The following ARID4A variants were observed in gnomAD, a reference collection of about 807,000 sequenced individuals.
The protein encoded by ARID4A is AT-rich interaction domain 4A, also known as AT-rich interactive domain-containing protein 4A.
ARID4A carries 39 observed loss-of-function variants against 148.6 expected under a neutral mutation model. The ratio of observed to expected loss-of-function variants is 0.26; its 90% CI spans 0.20 to 0.34. The LOEUF (loss-of-function observed/expected upper bound fraction) is 0.34, where lower values mean the gene tolerates loss of function less well. Among genes scored for constraint, ARID4A ranks in the 10% least tolerant of loss-of-function variants. The pLI is 1.00. For synonymous variants in ARID4A, 475 were observed against 481.2 expected, an observed-to-expected ratio of 0.99 and a Z score of 0.17; for missense variants, 1,265 against 1,449.1, an observed-to-expected ratio of 0.87 and a Z score of 2.06.
chr14:58,339,057 C>A (rs567829667), intron 11 of ARID4A, among the ~76,000 whole-genome samples: 2 of 151,076 alleles, frequency 1.3e-5, no homozygotes, highest in South Asian at 4.2e-4. Context: ...CTCAACTTTC[C>A]AGGCTCAAGC....
intron 20 of ARID4A, 91 bp downstream of exon 20, chr14:58,365,391 T>A (rs1345071788): frequency 6.9e-7 from 1 of 1,452,706 alleles, no homozygotes; most frequent in South Asian, 1.4e-5. Flanking sequence ...TAAAGTACTT[T>A]CTTTTTCTTT....
At chr14:58,316,769 A>C (rs60805976) in intron 5 of ARID4A, among the ~76,000 whole-genome samples, 1 of 152,060 alleles carries the variant, frequency 6.6e-6, no homozygotes. Flanking sequence ...TAGTGGAGAC[A>C]GGGTTTCTCC....
chr14:58,343,021 G>A (rs758430482), intron 11 of ARID4A, among the ~76,000 whole-genome samples: 1 of 152,158 alleles, frequency 6.6e-6, no homozygotes, highest in Non-Finnish European at 1.5e-5. Context: ...TTTTGGTTTT[G>A]ATTTTTTTTC....
At chr14:58,347,594 C>T in intron 14 of ARID4A, 53 bp from the exon 15 acceptor site, 1 of 1,345,264 alleles carries the variant, frequency 7.4e-7, no homozygotes, top group South Asian at 1.6e-5. Flanking sequence ...AACATGAATT[C>T]AAGTTAGATG....
intron 17 of ARID4A, among the ~76,000 whole-genome samples, chr14:58,357,383 A>G (rs2034925440): frequency 6.6e-6 from 1 of 152,212 alleles, no homozygotes; most frequent in African/African-American, 2.4e-5. Flanking sequence ...CAACTGAAAT[A>G]CATGCATAAA....
At chr14:58,317,780 G>A (rs1363850884) in intron 5 of ARID4A, among the ~76,000 whole-genome samples, 8 of 151,478 alleles carry the variant, frequency 5.3e-5, no homozygotes, top group Non-Finnish European at 1.0e-4. Context: ...CCACAGGCAT[G>A]AGCCACCACG....
chr14:58,354,698 AAAAAAG>A (rs2034793992), intron 17 of ARID4A, among the ~76,000 whole-genome samples: 1 of 151,762 alleles, frequency 6.6e-6, no homozygotes, highest in Non-Finnish European at 1.5e-5. Context: ...TAAAAAAAAA[AAAAAAG>A]AAAAAAGAGA....
At chr14:58,313,829 C>T (rs2032223422) in intron 5 of ARID4A, among the ~76,000 whole-genome samples, 1 of 152,122 alleles carries the variant, frequency 6.6e-6, no homozygotes, top group Non-Finnish European at 1.5e-5. Context: ...AAGAGTGTCC[C>T]AGCTCCAGGA....
chr14:58,339,156 T>A (rs1036334679), intron 11 of ARID4A, among the ~76,000 whole-genome samples: 2 of 151,500 alleles, frequency 1.3e-5, no homozygotes, highest in African/African-American at 4.9e-5. Flanking sequence ...TATTTTTTTT[T>A]TATAGAGACA....
At position 58,331,608 on chromosome 14, in the gene ARID4A, G is replaced by A. The variant is rs571081608; in HGVS notation, c.906+1439G>A. ...TAGGTATTGATGATGTAGCTGATAG[G>A]GAAGGACTCAGAACCAAGCGATATT... On this transcript the variant is annotated intron_variant, in intron 11 of 23. Transcript: ENST00000355431. 5 of 152,216 alleles carry A rather than the reference G, an allele frequency of 3.3e-5. No individual in the cohort carries two copies. The East Asian group carries it at 9.6e-4, about 29-fold the overall frequency. The allele number at this position is 152,216 out of a possible 1,614,324, so 9.4% of individuals were successfully genotyped here. A position where few individuals can be genotyped will look rare whatever the true frequency, so the allele number is the denominator to read the frequency against.
chr14:58,373,564 A>G lies in ARID4A; in HGVS notation c.*1575A>G, dbSNP rs2035690722. ...CATTGTTTCTTAATTTCATTTTACT[A>G]CATTGTGAACTTGTGATTCAGATTC... is the stretch of plus-strand genomic sequence containing the variant. On this transcript the variant is annotated 3_prime_UTR_variant, in exon 24 of 24. Coordinates refer to ENST00000355431, the MANE Select transcript of ARID4A (RefSeq NM_002892.4). The G allele has an allele frequency of 1.1e-5, 2 of 176,456 alleles. No individual in the cohort carries two copies. The highest frequency in any genetic ancestry group is 2.4e-5 in the Non-Finnish European group (2 of 81,956). The allele number at this position is 176,456 out of a possible 1,614,324, so 10.9% of individuals were successfully genotyped here.
chr14:58,357,011 T>C (rs1222423952), intron 17 of ARID4A, among the ~76,000 whole-genome samples: 3 of 152,172 alleles, frequency 2.0e-5, no homozygotes, highest in East Asian at 1.9e-4. Context: ...AATTTGGATT[T>C]TTTTTCCTGG....
chr14:58,356,950 C>T (rs929011772), intron 17 of ARID4A, among the ~76,000 whole-genome samples: 4 of 152,124 alleles, frequency 2.6e-5, no homozygotes, highest in African/African-American at 9.7e-5. Context: ...TCGCCCGCCT[C>T]GGCCTCCCAA....
At chr14:58,345,362 A>G (rs1308181583) in intron 12 of ARID4A, among the ~76,000 whole-genome samples, 1 of 152,248 alleles carries the variant, frequency 6.6e-6, no homozygotes, top group East Asian at 1.9e-4. Context: ...GAAAGTGACC[A>G]GTTATGTTAA....
At chr14:58,348,512 A>G (rs2034482355) in intron 15 of ARID4A, among the ~76,000 whole-genome samples, 1 of 152,174 alleles carries the variant, frequency 6.6e-6, no homozygotes. Context: ...GCGTACATGT[A>G]TGCTGGTTGT....
At chr14:58,330,537 G>A (rs1418098310) in intron 11 of ARID4A, among the ~76,000 whole-genome samples, 3 of 152,086 alleles carry the variant, frequency 2.0e-5, no homozygotes, top group African/African-American at 7.2e-5. Context: ...CTACTTTAAA[G>A]GTAAGGAAAG....
intron 19 of ARID4A, among the ~76,000 whole-genome samples, chr14:58,361,917 A>T (rs1003492678): frequency 7.9e-5 from 12 of 152,206 alleles, no homozygotes; most frequent in Admixed American, 3.3e-4. Context: ...TTTTAATCTC[A>T]TATGATTTAA....
At chr14:58,308,231 T>C (rs990151450) in intron 5 of ARID4A, among the ~76,000 whole-genome samples, 1 of 152,238 alleles carries the variant, frequency 6.6e-6, no homozygotes, top group Non-Finnish European at 1.5e-5. Flanking sequence ...ATTCTTGTTC[T>C]CAAAGAGCTT....
At chr14:58,342,406 T>A (rs1019930388) in intron 11 of ARID4A, among the ~76,000 whole-genome samples, 3 of 152,216 alleles carry the variant, frequency 2.0e-5, no homozygotes, top group Non-Finnish European at 4.4e-5. Context: ...CCACTAACTT[T>A]TAAAAAAAAT....
Sources: allele counts gnomAD v4.1 joint callset (sites outside exome capture counted in the v4.1 genomes callset), GRCh38; gene constraint gnomAD v4.1.1; transcripts MANE v1.5; gene names NCBI Gene and HGNC (gene_info 2026-07-23, HGNC 2026-07-21).